MUTYH: variants seen among roughly 807,000 people sequenced by gnomAD.
MUTYH encodes adenine DNA glycosylase.
MUTYH carries 64 observed loss-of-function variants against 72.9 expected under a neutral mutation model. That is an observed-to-expected ratio of 0.88 (90% confidence interval 0.72 to 1.08). MUTYH has a LOEUF of 1.08. Among genes scored for constraint, MUTYH ranks in the 50% least tolerant of loss-of-function variants. The pLI, the probability that MUTYH is intolerant of heterozygous loss-of-function variation, is 0.00. For synonymous variants in MUTYH, 234 were observed against 263.1 expected (o/e 0.89, Z 1.07); for missense variants, 633 against 671.0 (o/e 0.94, Z 0.63).
At chr1:45,339,739 G>T in intron 1 of MUTYH, 160 bp downstream of exon 1, 1 of 964,028 alleles carries the variant, frequency 1.0e-6, no homozygotes, top group Non-Finnish European at 1.5e-6. Flanking sequence ...GGAGATCACT[G>T]AGCTCTCCAT....
upstream of MUTYH, chr1:45,340,336 C>T: frequency 1.9e-6 from 3 of 1,600,258 alleles, no homozygotes; most frequent in South Asian, 1.1e-5. Context: ...GCCTTCAAAG[C>T]CTCTGCGCTC....
At chr1:45,329,548 C>A (rs1188145130) in intron 15 of MUTYH, 111 bp from the exon 16 acceptor site, 11 of 1,423,092 alleles carry the variant, frequency 7.7e-6, no homozygotes, top group African/African-American at 1.4e-5. Context: ...CTAGGCTTAG[C>A]CTGGAATGCT....
chr1:45,335,608 A>G (rs148778282), intron 1 of MUTYH, among the ~76,000 whole-genome samples: 225 of 152,192 alleles, frequency 1.5e-3, no homozygotes, highest in African/African-American at 5.2e-3. Context: ...TGTAATCCCA[A>G]CACTGCGGGA....
At chr1:45,340,354 G>C (rs533908646), upstream of MUTYH, 7 of 1,584,226 alleles carry the variant, frequency 4.4e-6, no homozygotes, top group African/African-American at 9.4e-5. Flanking sequence ...CTCTGGGAGA[G>C]GGGAAGGCCT....
At position 45,332,466 on chromosome 1, in the gene MUTYH, T is replaced by C. The variant is rs1057517765; in HGVS notation, c.629A>G (p.Asn210Ser). 8 of 1,614,092 alleles carry C rather than the reference T, an allele frequency of 5.0e-6. No homozygotes were observed. The highest frequency in any genetic ancestry group is 2.2e-5 in the East Asian group (1 of 44,890). Residue 210 changes from asparagine to serine, a missense_variant, in exon 9 of 16, where the codon AAC becomes AGC. By Grantham distance (46) the Asn-to-Ser change is conservative. Transcript: ENST00000456914. ...FGQATGVVDG[N>S]VARVLCRVRA... ...GACACGGCACAGCACCCGTGCTACGTTGCCATCCACCACACCGGTTGCCTG... is the reference window on the plus strand; with the variant it reads ...GACACGGCACAGCACCCGTGCTACGCTGCCATCCACCACACCGGTTGCCTG...
chr1:45,330,618 T>G (rs1485498262), intron 14 of MUTYH, 61 bp from the exon 15 acceptor site: 7 of 1,545,334 alleles, frequency 4.5e-6, no homozygotes, highest in African/African-American at 1.4e-5. Flanking sequence ...AAACCGGTGT[T>G]CTGCCCTTAA....
At chr1:45,335,337 C>A (rs541197360) in intron 1 of MUTYH, among the ~76,000 whole-genome samples, 3 of 152,212 alleles carry the variant, frequency 2.0e-5, no homozygotes, top group African/African-American at 7.2e-5. Flanking sequence ...TTCAAATCCA[C>A]GACCAGCATT....
intron 1 of MUTYH, chr1:45,339,607 C>T (rs1646620223): frequency 2.9e-6 from 1 of 349,286 alleles, no homozygotes. Context: ...ATACTGCCAG[C>T]CTTAATTCAA....
At position 45,332,454 on chromosome 1, in the gene MUTYH, AC is replaced by A. The variant is rs1645092023; in HGVS notation, c.640del (p.Val214CysfsTer24). On this transcript the variant is annotated frameshift_variant, in exon 9 of 16. Coordinates refer to ENST00000456914, the MANE Select transcript of MUTYH (RefSeq NM_001048174.2). LOFTEE classifies it high-confidence loss of function. ...ACCAATGGCTCGGACACGGCACAGC[AC>A]CCGTGCTACGTTGCCATCCACCACA... ...TGVVDGNVAR[V>X]LCRVRAIGAD... The A allele has an allele frequency of 1.2e-6, 2 of 1,614,070 alleles. No individual in the cohort carries two copies. Among genetic ancestry groups the A allele is most frequent in the Non-Finnish European group, 1.7e-6 (2 of 1,179,998 alleles).
rs1212933615 is a variant in MUTYH, at chr1:45,332,943, T to C, written c.395A>G (p.Gln132Arg). The C allele has an allele frequency of 1.9e-6, 3 of 1,613,986 alleles. No homozygotes were observed. The highest frequency in any genetic ancestry group is 2.2e-5 in the East Asian group (1 of 44,890). The change falls in exon 6 of 16, where the codon CAG becomes CGG. Residue 132 changes from glutamine to arginine, a missense_variant. Gln to Arg is a conservative substitution (Grantham distance 43). Transcript: ENST00000456914. The part of the protein sequence containing the change: ...TGWMQKWPTL[Q>R]DLASASLEEV... ...CTCCAGGGAAGCACTGGCCAGGTCC[T>C]GCAGTGTAGGCCACTTCTATAGCCA...
rs754860019 is a variant in MUTYH, at chr1:45,331,504, C to T, written c.1155G>A (p.Glu385=). The T allele has an allele frequency of 4.3e-6, 7 of 1,614,058 alleles. No individual in the cohort carries two copies. The highest frequency in any genetic ancestry group is 1.3e-5 in the African/African-American group (1 of 74,954). The change falls in exon 13 of 16, where the codon GAG becomes GAA. Residue 385 remains glutamate, a synonymous_variant. Coordinates refer to ENST00000456914, the MANE Select transcript of MUTYH (RefSeq NM_001048174.2). ...GCAGCAGGGCCTTGCGCTGAAGCTG[C>T]TCTGAGGGCTCCCAGGTCACGGACG... ...EFPSVTWEPS[E]QLQRKALLQE...
intron 1 of MUTYH, 97 bp downstream of exon 1, chr1:45,339,802 C>T (rs894805752): frequency 7.8e-7 from 1 of 1,287,802 alleles, no homozygotes; most frequent in Admixed American, 2.3e-5. Flanking sequence ...CCCACACGAC[C>T]CTCTCCTAGT....
At chr1:45,340,121 G>C (rs1361833225), upstream of MUTYH, 11 of 1,566,038 alleles carry the variant, frequency 7.0e-6, no homozygotes, top group Non-Finnish European at 9.5e-6. Flanking sequence ...CGGGACGTCT[G>C]AACGGAAGTT....
At chr1:45,333,029 C>T in intron 5 of MUTYH, 68 bp downstream of exon 5, 3 of 1,612,656 alleles carry the variant, frequency 1.9e-6, no homozygotes, top group Non-Finnish European at 2.5e-6. Flanking sequence ...TTCTCTACAC[C>T]CACCCCAAAG....
At chr1:45,340,153 G>C, upstream of MUTYH, 1 of 1,593,744 alleles carries the variant, frequency 6.3e-7, no homozygotes, top group Non-Finnish European at 8.5e-7. Context: ...CGACCCGACG[G>C]CGAGACCCCG....
rs769152217 is a variant in MUTYH at position 45,331,298 on chromosome 1, G to C, written c.1276C>G (p.Gln426Glu). ...CCTTCCAAGGCCAGCCCATATACTTGATATGTCAGCTTGATGTGAGAGAAG... is the reference window on the plus strand; with the variant it reads ...CCTTCCAAGGCCAGCCCATATACTTCATATGTCAGCTTGATGTGAGAGAAG... ...HTFSHIKLTY[Q>E]VYGLALEGQT... is the part of the protein sequence containing the mutation. The change falls in exon 14 of 16, where the codon CAA (glutamine) becomes GAA (glutamate). Residue 426 changes from glutamine (Q) to glutamate (E), a missense_variant. Coordinates refer to ENST00000456914, the MANE Select transcript of MUTYH (RefSeq NM_001048174.2). 2.5e-6 allele frequency: 4 copies of C among 1,614,176 alleles called. No homozygotes were observed. The highest frequency in any genetic ancestry group is 3.4e-6 in the Non-Finnish European group (4 of 1,180,030).
Position 45,332,903 on chromosome 1 carries a change from T to C in MUTYH, c.420+15A>G. On this transcript the variant is annotated intron_variant, in intron 6 of 15. Transcript: ENST00000456914. Reference sequence around the variant, plus strand: ...TCTATTGTTCCTATTTCCCCTACCCTAGGGTGGCTCTCACCTCCAGGGAAG... The same window carrying C: ...TCTATTGTTCCTATTTCCCCTACCCCAGGGTGGCTCTCACCTCCAGGGAAG... 6.2e-7 allele frequency: 1 copy of C among 1,613,966 alleles called. No individual in the cohort carries two copies. Among genetic ancestry groups the C allele is most frequent in the South Asian group, 1.1e-5 (1 of 91,078 alleles).
chr1:45,333,106 T>C lies in MUTYH; in HGVS notation c.369A>G (p.Gly123=), dbSNP rs753538213. ...CCTCCCCTGGAGTCACCTGCATCCA[T>C]CCGGTATAGTAGTTGATCACAGTGG... is the stretch of plus-strand genomic sequence containing the variant. ...QVATVINYYT[G]WMQKWPTLQD... is the part of the protein sequence containing the mutation. Residue 123 remains glycine, a synonymous_variant, in exon 5 of 16, where the codon GGA becomes GGG. Coordinates refer to ENST00000456914, the MANE Select transcript of MUTYH (RefSeq NM_001048174.2). The C allele has an allele frequency of 1.2e-6, 2 of 1,614,012 alleles. No individual in the cohort carries two copies. Among genetic ancestry groups the C allele is most frequent in the Non-Finnish European group, 1.7e-6 (2 of 1,179,984 alleles).
At position 45,331,126 on chromosome 1, in the gene MUTYH, C is replaced by A. The variant is rs576411129; in HGVS notation, c.1392+56G>T. 5 of 1,606,832 alleles carry A rather than the reference C, an allele frequency of 3.1e-6. No homozygotes were observed. The East Asian group carries it at 8.9e-5, about 29-fold the overall frequency. On this transcript the variant is annotated intron_variant, in intron 14 of 15. Transcript: ENST00000456914. ...TTTCCTGTTTACACAGTAATATATT[C>A]ATGTAGAACATGTAGGAAACACAAG...
Sources: allele counts gnomAD v4.1 joint callset (sites outside exome capture counted in the v4.1 genomes callset), GRCh38; gene constraint gnomAD v4.1.1; transcripts MANE v1.5; gene names NCBI Gene and HGNC (gene_info 2026-07-23, HGNC 2026-07-21).